LILRB4: variants seen among roughly 807,000 people sequenced by gnomAD.
LILRB4 encodes leukocyte immunoglobulin like receptor B4.
LILRB4 carries 49 observed loss-of-function variants against 55.2 expected under a neutral mutation model. That is an observed-to-expected ratio of 0.89 (90% CI 0.71 to 1.13). The LOEUF is 1.13. Ranked by LOEUF, LILRB4 falls within the 50% of genes most tolerant of loss-of-function variation. The pLI is 0.00. For synonymous variants in LILRB4, 229 were observed against 213.8 expected (o/e 1.07, Z -0.62); for missense variants, 590 against 555.2 (o/e 1.06, Z -0.63).
chr19:54,663,993 G>A (rs370306475), exon 3 of LILRB4: 14 of 1,614,004 alleles, frequency 8.7e-6, no homozygotes, highest in Admixed American at 5.0e-5. Flanking sequence ...TCGCAGCCCT[G>A]TAGGCTGGTC....
rs377552652 is a variant in LILRB4, at chr19:54,665,807, C to A, written c.758-8C>A. 1.9e-6 allele frequency: 3 copies of A among 1,594,792 alleles called. No homozygotes were observed. Among genetic ancestry groups the A allele is most frequent in the Non-Finnish European group, 2.6e-6 (3 of 1,170,806 alleles). On this transcript the variant is annotated splice_polypyrimidine_tract_variant and splice_region_variant and intron_variant, in intron 6 of 11. Transcript: ENST00000430952. The surrounding 1 kb of genome is among the most constrained non-coding windows in gnomAD (Gnocchi z 5.5). Reference sequence around the variant, plus strand: ...ATCATCCCCATTCCTGATGTCATCACGCCCAAGGTCTGAGAAGGCACTGGG... The same window carrying A: ...ATCATCCCCATTCCTGATGTCATCAAGCCCAAGGTCTGAGAAGGCACTGGG...
intron 10 of LILRB4, chr19:54,667,167 G>T (rs1302654296): frequency 1.8e-6 from 1 of 564,038 alleles, no homozygotes; most frequent in Non-Finnish European, 3.5e-6. Context: ...CTCACCTCGT[G>T]GTGGGAGACA....
rs371331660 is a variant in LILRB4 at position 54,666,834 on chromosome 19, G to A, written c.1041+85G>A. The A allele has an allele frequency of 3.1e-4, 405 of 1,327,840 alleles. 4 individuals are homozygous for A. The highest frequency in any genetic ancestry group is 2.2e-3 in the South Asian group (191 of 84,986). The allele number at this position is 1,327,840 out of a possible 1,614,324, so 82.3% of individuals were successfully genotyped here. On this transcript the variant is annotated intron_variant, in intron 10 of 11. Coordinates refer to ENST00000430952, the Ensembl canonical transcript of LILRB4. The surrounding 1 kb of genome is among the most constrained non-coding windows in gnomAD (Gnocchi z 4.8). ...AGGACTTCTCTGTCCTCCTTCCCCC[G>A]GCTCTCAGCATCGTCACGGTGGACC...
At chr19:54,667,708 T>C in exon 11 of LILRB4, 1 of 1,607,488 alleles carries the variant, frequency 6.2e-7, no homozygotes, top group Non-Finnish European at 8.5e-7. Context: ...AGGAGAGAAA[T>C]GGCCTCTCCT....
Position 54,665,876 on chromosome 19 carries a change from C to T in LILRB4, c.819C>T (p.Ser273=). ...TGGTGGTCTCCATCCTGCTTCTCTC[C>T]CTCCTCCTCTTCCTCCTCCTCCAAC... is the stretch of plus-strand genomic sequence containing the variant. The change falls in exon 7 of 12, where the codon TCC becomes TCT. Residue 273 remains serine, a synonymous_variant. Coordinates refer to ENST00000430952, the Ensembl canonical transcript of LILRB4. The surrounding 1 kb of genome is among the most constrained non-coding windows in gnomAD (Gnocchi z 5.5). 1.9e-6 allele frequency: 3 copies of T among 1,613,772 alleles called. No individual in the cohort carries two copies. Among genetic ancestry groups the T allele is most frequent in the East Asian group, 2.2e-5 (1 of 44,852 alleles).
Position 54,666,598 on chromosome 19 carries a change from C to T in LILRB4, c.989-99C>T, listed in dbSNP as rs968802275. The stretch of plus-strand genomic sequence containing the variant: ...TCGGGGACATCACAGCCCCTCCCTG[C>T]GTTGCAGTGGCACTAATGGGAACAG... On this transcript the variant is annotated intron_variant, in intron 9 of 11. Coordinates refer to ENST00000430952, the Ensembl canonical transcript of LILRB4. The surrounding 1 kb of genome is among the most constrained non-coding windows in gnomAD (Gnocchi z 4.8). The T allele has an allele frequency of 6.1e-5, 88 of 1,443,490 alleles. No homozygotes were observed. Among genetic ancestry groups the T allele is most frequent in the Admixed American group, 2.1e-4 (12 of 57,352 alleles). 89.4% of individuals were successfully genotyped at this position (1,443,490 alleles called of 1,614,324 possible).
chr19:54,667,612 C>T, intron 10 of LILRB4, 23 bp from the exon 11 acceptor site: 1 of 1,610,232 alleles, frequency 6.2e-7, no homozygotes, highest in Non-Finnish European at 8.5e-7. Context: ...TCAAGGACAC[C>T]CCCCACCACT....
chr19:54,667,389 C>T (rs951424817), intron 10 of LILRB4: 22 of 744,798 alleles, frequency 3.0e-5, no homozygotes, highest in Non-Finnish European at 3.9e-5. Context: ...CGTGCAAAGG[C>T]CCCGAGGCAG....
At chr19:54,663,239 G>A (rs1180242439) in intron 1 of LILRB4, among the ~76,000 whole-genome samples, 172 bp downstream of exon 1, 1 of 151,948 alleles carries the variant, frequency 6.6e-6, no homozygotes, top group Non-Finnish European at 1.5e-5. Flanking sequence ...GAGGTCAGGA[G>A]ATCGAGACCA....
At chr19:54,667,560 T>G (rs553956630) in intron 10 of LILRB4, 75 bp from the exon 11 acceptor site, 489 of 1,593,188 alleles carry the variant, frequency 3.1e-4, no homozygotes, top group Admixed American at 8.1e-4. Context: ...CGGATCACCC[T>G]GGGAACAGTG....
At chr19:54,667,359 C>T in intron 10 of LILRB4, 2 of 640,276 alleles carry the variant, frequency 3.1e-6, no homozygotes, top group South Asian at 3.9e-5. Context: ...GGACGAGCCC[C>T]TGCAGGCAGA....
chr19:54,665,431 C>A lies in LILRB4; in HGVS notation c.757+251C>A, dbSNP rs1022743440. ...CTCCCAGACCCGATTCCGCAGGGGC[C>A]TGTCCGGTCCCACCTGCAGCAGAGA... is the stretch of plus-strand genomic sequence containing the variant. On this transcript the variant is annotated intron_variant, in intron 6 of 11. Coordinates refer to ENST00000430952, the Ensembl canonical transcript of LILRB4. The surrounding 1 kb of genome is among the most constrained non-coding windows in gnomAD (Gnocchi z 5.5). Among the ~76,000 whole-genome samples the A allele has an allele frequency of 6.6e-6, 1 of 151,972 alleles. No homozygotes were observed. The highest frequency in any genetic ancestry group is 2.4e-5 in the African/African-American group (1 of 41,354).
rs1289896859 is a variant in LILRB4, at chr19:54,667,797, A to G, written c.1197+4A>G. The stretch of plus-strand genomic sequence containing the variant: ...GGACAGACAGATGGACACTGAGGTG[A>G]GTCCTTTCCTCTCCAGGCCCCCAGG... On this transcript the variant is annotated splice_donor_region_variant and intron_variant, in intron 11 of 11. Coordinates refer to ENST00000430952, the Ensembl canonical transcript of LILRB4. 3.1e-6 allele frequency: 5 copies of G among 1,609,198 alleles called. No homozygotes were observed. Among genetic ancestry groups the G allele is most frequent in the Non-Finnish European group, 4.2e-6 (5 of 1,178,404 alleles).
Position 54,664,559 on chromosome 19 carries a change from A to G in LILRB4, c.655+74A>G. On this transcript the variant is annotated intron_variant, in intron 4 of 11. Coordinates refer to ENST00000430952, the Ensembl canonical transcript of LILRB4. ...CCCTGCTGCCAGGAGAGCTCTGGGC[A>G]GGGATGGAGGGAGAGGGGCTCAGCC... 3 of 1,460,594 alleles carry G rather than the reference A, an allele frequency of 2.1e-6. No homozygotes were observed. In the South Asian group the frequency reaches 4.0e-5, roughly 19 times the overall value. The allele number at this position is 1,460,594 out of a possible 1,614,324, so 90.5% of individuals were successfully genotyped here.
rs61738932 is a variant in LILRB4 at position 54,667,646 on chromosome 19, C to T, written c.1050C>T (p.His350=). 6.8e-5 allele frequency: 110 copies of T among 1,611,264 alleles called. 2 individuals carry two copies. The Middle Eastern group carries it at 1.4e-3, about 20-fold the overall frequency. ...CTGTCTCTCTCCAGCAGAGCCCACA[C>T]GATGAAGACCCCCAGGCAGTGACGT... The change falls in exon 11 of 12, where the codon CAC becomes CAT. Residue 350 remains histidine (H), a synonymous_variant. Coordinates refer to ENST00000430952, the Ensembl canonical transcript of LILRB4.
intron 2 of LILRB4, 79 bp from the exon 3 acceptor site, chr19:54,663,675 A>T (rs118083855): frequency 0.015 from 24,437 of 1,608,578 alleles, 217 homozygotes; most frequent in Non-Finnish European, 0.017. Context: ...GATGAGGATG[A>T]CGGGGGGGTC....
At chr19:54,664,965 G>A in intron 5 of LILRB4, 116 bp downstream of exon 5, 1 of 1,362,262 alleles carries the variant, frequency 7.3e-7, no homozygotes, top group East Asian at 2.4e-5. Context: ...TTCCACGGGT[G>A]TGGGAGTCGG....
At position 54,664,319 on chromosome 19, in the gene LILRB4, C is replaced by T. The variant is rs200044695; in HGVS notation, c.489C>T (p.Pro163=). 3.8e-4 allele frequency: 607 copies of T among 1,614,126 alleles called. 6 individuals carry two copies. The South Asian group carries it at 6.2e-3, about 17-fold the overall frequency. ...TGATCAAGGAGCGGGCAGCCCATCC[C>T]CTACTGCATCTGAGATCAGAGCACG... is the stretch of plus-strand genomic sequence containing the variant. Residue 163 remains proline (P), a synonymous_variant, in exon 4 of 12, where the codon CCC becomes CCT. Coordinates refer to ENST00000430952, the Ensembl canonical transcript of LILRB4.
In LILRB4 at chr19:54,666,811, G is replaced by T; in HGVS notation, c.1041+62G>T. The T allele has an allele frequency of 6.8e-7, 1 of 1,477,806 alleles. No individual in the cohort carries two copies. Among genetic ancestry groups the T allele is most frequent in the Non-Finnish European group, 9.5e-7 (1 of 1,056,490 alleles). 91.5% of individuals were successfully genotyped at this position (1,477,806 alleles called of 1,614,324 possible). A position where few individuals can be genotyped will look rare whatever the true frequency, so the allele number is the denominator to read the frequency against. ...CCTGGTGCCAGATCTAATCCTGCAGGACTTCTCTGTCCTCCTTCCCCCGGC... is the reference window on the plus strand; with the variant it reads ...CCTGGTGCCAGATCTAATCCTGCAGTACTTCTCTGTCCTCCTTCCCCCGGC... On this transcript the variant is annotated intron_variant, in intron 10 of 11. Coordinates refer to ENST00000430952, the Ensembl canonical transcript of LILRB4. This position sits in a 1 kb window ranked among gnomAD's most constrained non-coding sequence, Gnocchi z 4.8.
Sources: allele counts gnomAD v4.1 joint callset (sites outside exome capture counted in the v4.1 genomes callset), GRCh38; gene constraint gnomAD v4.1.1; non-coding constraint Gnocchi (gnomAD v3.1); transcripts MANE v1.5; gene names NCBI Gene and HGNC (gene_info 2026-07-23, HGNC 2026-07-21).